PIR: variants seen among roughly 807,000 people sequenced by gnomAD.
PIR encodes the protein pirin.
In PIR, 22 loss-of-function variants were observed where a neutral mutation model predicts 24.2. The observed-to-expected ratio is 0.91, with a 90% confidence interval of 0.65 to 1.30. The LOEUF (loss-of-function observed/expected upper bound fraction) is 1.30. Ranked by LOEUF, PIR falls within the 50% of genes most tolerant of loss-of-function variation. The pLI, the probability that PIR is intolerant of heterozygous loss-of-function variation, is 0.00. For synonymous variants in PIR, 80 were observed against 79.6 expected, an observed-to-expected ratio of 1.00 and a Z score of -0.03; for missense variants, 220 against 220.3, an observed-to-expected ratio of 1.00 and a Z score of 0.01.
At chrX:15,421,065 T>C in intron 6 of PIR, among the ~76,000 whole-genome samples, 1 of 112,030 alleles carries the variant, frequency 8.9e-6, no homozygotes, top group Non-Finnish European at 1.9e-5. Context: ...ATCTGTGATC[T>C]ATATAGTGAG....
chrX:15,450,880 G>T (rs974206357), intron 5 of PIR, among the ~76,000 whole-genome samples: 2 of 111,771 alleles, frequency 1.8e-5, no homozygotes, highest in African/African-American at 6.5e-5. Context: ...AAGTCTCTTG[G>T]ATGAAAGCAA....
rs367776144 is a variant in PIR at position 15,455,815 on chromosome X, C to G, written c.480+33G>C. On this transcript the variant is annotated intron_variant, in intron 5 of 9. Coordinates refer to ENST00000380420, the MANE Select transcript of PIR (RefSeq NM_001018109.3). ...GGGCCAGCCTTATGTCACTGCATGCCTCAGGTTAAATAGACACAATAGCCT... is the reference window on the plus strand; with the variant it reads ...GGGCCAGCCTTATGTCACTGCATGCGTCAGGTTAAATAGACACAATAGCCT... 4.5e-6 allele frequency: 5 copies of G among 1,119,110 alleles called. No homozygotes were observed. In the African/African-American group the frequency reaches 9.0e-5, roughly 20 times the overall value. 92.2% of individuals were successfully genotyped at this position (1,119,110 alleles called of 1,213,427 possible).
intron 5 of PIR, among the ~76,000 whole-genome samples, chrX:15,451,828 A>G (rs143905825): frequency 0.017 from 1,908 of 112,361 alleles, 42 homozygotes; most frequent in African/African-American, 0.058. Flanking sequence ...TTTTGGTTAC[A>G]TTTGTAGGCC....
intron 3 of PIR, among the ~76,000 whole-genome samples, chrX:15,478,020 C>CG (rs1325899686): frequency 1.2e-5 from 1 of 82,728 alleles, no homozygotes; most frequent in South Asian, 9.7e-4. Flanking sequence ...GTATTCCCCC[C>CG]CCCCCAGAAA....
At chrX:15,388,671 T>G (rs1029658753) in intron 9 of PIR, among the ~76,000 whole-genome samples, 6 of 112,026 alleles carry the variant, frequency 5.4e-5, no homozygotes, top group African/African-American at 1.6e-4. Flanking sequence ...TAAGGTTATT[T>G]TCTATCCTAA....
intron 6 of PIR, among the ~76,000 whole-genome samples, chrX:15,409,859 T>G (rs1187278185): frequency 8.9e-6 from 1 of 111,982 alleles, no homozygotes; most frequent in Non-Finnish European, 1.9e-5. Context: ...CTTTCTGCAA[T>G]CTTCATTCCT....
At chrX:15,470,600 C>CTTTCTTT (rs1464069729) in intron 3 of PIR, among the ~76,000 whole-genome samples, 1 of 45,106 alleles carries the variant, frequency 2.2e-5, no homozygotes, top group Admixed American at 2.6e-4. Context: ...TTCTTTCTTT[C>CTTTCTTT]TTTTTTTTTT....
At chrX:15,455,802 T>C in intron 5 of PIR, 46 bp downstream of exon 5, 1 of 1,040,810 alleles carries the variant, frequency 9.6e-7, no homozygotes, top group Non-Finnish European at 1.4e-6. Context: ...GCCAGCCTTA[T>C]GTCACTGCAT....
intron 3 of PIR, among the ~76,000 whole-genome samples, chrX:15,468,074 C>T (rs1337968046): frequency 1.8e-5 from 2 of 112,314 alleles, no homozygotes; most frequent in African/African-American, 6.5e-5. Flanking sequence ...ACTGAAGGGG[C>T]CTGAAGGGAA....
intron 1 of PIR, 34 bp from the exon 2 acceptor site, chrX:15,491,343 T>A: frequency 1.7e-6 from 1 of 576,401 alleles, no homozygotes; most frequent in Non-Finnish European, 2.8e-6. Flanking sequence ...AAAGAAGTCA[T>A]AAAGGAGGGA....
At chrX:15,405,609 A>G (rs1032499968) in intron 7 of PIR, among the ~76,000 whole-genome samples, 5 of 112,583 alleles carry the variant, frequency 4.4e-5, no homozygotes, top group African/African-American at 1.6e-4. Context: ...TCTTGAAATC[A>G]TAAGTCGGGA....
At chrX:15,433,392 A>G (rs113019591) in intron 5 of PIR, among the ~76,000 whole-genome samples, 2 of 108,173 alleles carry the variant, frequency 1.8e-5, no homozygotes, top group Admixed American at 2.0e-4. Context: ...GTGGAGAAGG[A>G]CAAAGCAATC....
intron 3 of PIR, among the ~76,000 whole-genome samples, chrX:15,464,036 G>T (rs1263639485): frequency 8.9e-6 from 1 of 112,557 alleles, no homozygotes; most frequent in African/African-American, 3.2e-5. Flanking sequence ...CTAAATTACA[G>T]TGTAGCCATA....
At chrX:15,410,222 G>A (rs1369366068) in intron 6 of PIR, among the ~76,000 whole-genome samples, 1 of 111,107 alleles carries the variant, frequency 9.0e-6, no homozygotes. Context: ...CAGCACTCCA[G>A]CCTGGGCGAC....
At position 15,414,569 on chromosome X, in the gene PIR, AC is replaced by A. The variant is rs759826567; in HGVS notation, c.566-7020del. 4.2e-3 allele frequency among the ~76,000 whole-genome samples: 472 copies of A among 112,616 alleles called. 2 individuals carry two copies. Among genetic ancestry groups the A allele is most frequent in the African/African-American group, 0.015 (457 of 31,085 alleles). On this transcript the variant is annotated intron_variant, in intron 6 of 9. Coordinates refer to ENST00000380420, the MANE Select transcript of PIR (RefSeq NM_001018109.3). ...ACTATTAAGATCTGAAATATACAGA[AC>A]TTTAAGGATTAAATACATGTTCAAA...
chrX:15,420,147 C>T (rs1196807827), intron 6 of PIR, among the ~76,000 whole-genome samples: 6 of 108,315 alleles, frequency 5.5e-5, no homozygotes, highest in African/African-American at 2.0e-4. Context: ...CAGTGAGCCG[C>T]GATCACACCA....
chrX:15,456,515 C>A (rs1921090756), intron 4 of PIR, among the ~76,000 whole-genome samples: 1 of 112,379 alleles, frequency 8.9e-6, no homozygotes, highest in Non-Finnish European at 1.9e-5. Flanking sequence ...TCAGAATTGT[C>A]CCGACTTGAG....
rs375357114 is a variant in PIR at position 15,400,162 on chromosome X, C to T, written c.611-2631G>A. ...TCCATCAAAGATTTAGGTCAACAAACGTCATGGAAACAAATGATAGAACTC... is the reference window on the plus strand; with the variant it reads ...TCCATCAAAGATTTAGGTCAACAAATGTCATGGAAACAAATGATAGAACTC... On this transcript the variant is annotated intron_variant, in intron 7 of 9. Coordinates refer to ENST00000380420, the MANE Select transcript of PIR (RefSeq NM_001018109.3). Among the ~76,000 whole-genome samples the T allele has an allele frequency of 5.8e-4, 65 of 111,824 alleles. 1 individual carries two copies. The highest frequency in any genetic ancestry group is 2.0e-3 in the African/African-American group (62 of 30,805).
chrX:15,444,236 A>C (rs1053897151), intron 5 of PIR, among the ~76,000 whole-genome samples: 1 of 112,382 alleles, frequency 8.9e-6, no homozygotes, highest in Non-Finnish European at 1.9e-5. Context: ...CACTCTAATC[A>C]GTCAGCACCC....
Sources: gnomAD v4.1 joint callset for allele counts (sites outside exome capture counted in the v4.1 genomes callset) on GRCh38, gnomAD v4.1.1 for gene constraint, MANE v1.5 for transcripts, NCBI Gene and HGNC (gene_info 2026-07-23, HGNC 2026-07-21) for gene names.